The following TAFA5 variants were observed in gnomAD, a reference collection of about 807,000 sequenced individuals.
TAFA5 encodes TAFA chemokine like family member 5, also known as chemokine-like protein TAFA-5.
TAFA5 carries 6 observed loss-of-function variants against 15.3 expected under a neutral mutation model. The observed-to-expected ratio is 0.39, with a 90% CI of 0.21 to 0.77. The LOEUF is 0.77. Ranked by LOEUF, TAFA5 falls within the 30% of genes least tolerant of loss-of-function variation. The pLI is 0.41. For missense variants in TAFA5, 161 were observed against 193.1 expected (o/e 0.83, Z 0.98); for synonymous variants, 103 against 80.7 (o/e 1.28, Z -1.48).
intron 1 of TAFA5, among the ~76,000 whole-genome samples, chr22:48,553,029 C>T (rs900956849): frequency 3.9e-5 from 6 of 152,200 alleles, no homozygotes; most frequent in Non-Finnish European, 7.4e-5. Context: ...ATGCATCTTT[C>T]ACCCCGAGAG....
chr22:48,654,203 C>G (rs1569065599), intron 2 of TAFA5, among the ~76,000 whole-genome samples: 1 of 152,136 alleles, frequency 6.6e-6, no homozygotes, highest in Non-Finnish European at 1.5e-5. Context: ...CACAGGGCCC[C>G]TGTGCTGCCA....
Position 48,560,812 on chromosome 22 carries a change from G to T in TAFA5, c.112+71108G>T, listed in dbSNP as rs935409760. ...TTTAGTAGAGATGGGGTTTCACCGTGTTGGCCAGACTGGTCTTGAACTCCT... is the reference window on the plus strand; with the variant it reads ...TTTAGTAGAGATGGGGTTTCACCGTTTTGGCCAGACTGGTCTTGAACTCCT... On this transcript the variant is annotated intron_variant, in intron 1 of 3. Transcript: ENST00000402357. The surrounding 1 kb of genome is among the most constrained non-coding windows in gnomAD (Gnocchi z 4.2). 1.1e-4 allele frequency among the ~76,000 whole-genome samples: 16 copies of T among 152,038 alleles called. No individual in the cohort carries two copies. The highest frequency in any genetic ancestry group is 2.1e-4 in the Non-Finnish European group (14 of 68,006).
At chr22:48,614,294 A>T (rs1349193319) in intron 1 of TAFA5, among the ~76,000 whole-genome samples, 2 of 152,198 alleles carry the variant, frequency 1.3e-5, no homozygotes, top group Non-Finnish European at 2.9e-5. Context: ...TCTGCCCCCC[A>T]CAACTGTTTA....
intron 3 of TAFA5, among the ~76,000 whole-genome samples, chr22:48,711,772 C>G (rs1259785179): frequency 6.6e-6 from 1 of 152,238 alleles, no homozygotes. Context: ...TGGCCTCCAG[C>G]CCAGGCCTGA....
intron 2 of TAFA5, among the ~76,000 whole-genome samples, chr22:48,659,056 G>T (rs894506923): frequency 6.6e-6 from 1 of 152,342 alleles, no homozygotes; most frequent in African/African-American, 2.4e-5. Flanking sequence ...GCAGAGTCCG[G>T]GGCAAGTCTC....
chr22:48,560,080 G>A lies in TAFA5; in HGVS notation c.112+70376G>A, dbSNP rs564081142. Among the ~76,000 whole-genome samples, 4 of 152,314 alleles carry A rather than the reference G, an allele frequency of 2.6e-5. No individual in the cohort carries two copies. The highest frequency in any genetic ancestry group is 4.8e-5 in the African/African-American group (2 of 41,556). On this transcript the variant is annotated intron_variant, in intron 1 of 3. Coordinates refer to ENST00000402357, the MANE Select transcript of TAFA5 (RefSeq NM_001082967.3). The surrounding 1 kb of genome is among the most constrained non-coding windows in gnomAD (Gnocchi z 4.2). ...CCATCAGGCAGCTGCCCTGGCCACC[G>A]ATGCCTTCGCAGCATAGGATTTGGG...
intron 3 of TAFA5, 138 bp from the exon 4 acceptor site, chr22:48,749,701 A>T: frequency 2.3e-6 from 2 of 887,400 alleles, no homozygotes; most frequent in Non-Finnish European, 3.6e-6. Context: ...CCCTCACAGC[A>T]CTGAGGATGA....
Position 48,742,862 on chromosome 22 carries a change from G to A in TAFA5, c.391-6977G>A, listed in dbSNP as rs946543956. Among the ~76,000 whole-genome samples, 1 of 152,170 alleles carries A rather than the reference G, an allele frequency of 6.6e-6. No individual in the cohort carries two copies. Among genetic ancestry groups the A allele is most frequent in the Non-Finnish European group, 1.5e-5 (1 of 68,016 alleles). ...GTGCGATGAAGCCCAAGGGACTGAC[G>A]GTGTGAGGAGGGCCCTCTGCTGCCT... On this transcript the variant is annotated intron_variant, in intron 3 of 3. Coordinates refer to ENST00000402357, the MANE Select transcript of TAFA5 (RefSeq NM_001082967.3). This position sits in a 1 kb window ranked among gnomAD's most constrained non-coding sequence, Gnocchi z 6.2.
chr22:48,736,727 G>C (rs1312282497), intron 3 of TAFA5, among the ~76,000 whole-genome samples: 1 of 152,228 alleles, frequency 6.6e-6, no homozygotes, highest in Non-Finnish European at 1.5e-5. Context: ...AGTGAAGGAA[G>C]CCAGTCACCG....
At chr22:48,642,803 CTGTG>C (rs796649630) in intron 1 of TAFA5, among the ~76,000 whole-genome samples, 22 of 152,094 alleles carry the variant, frequency 1.4e-4, no homozygotes, top group African/African-American at 5.1e-4. Flanking sequence ...TGTGTTTGGT[CTGTG>C]TGTGCACGTG....
chr22:48,721,308 T>G (rs1264046189), intron 3 of TAFA5, among the ~76,000 whole-genome samples: 6 of 152,162 alleles, frequency 3.9e-5, no homozygotes, highest in African/African-American at 1.4e-4. Context: ...GCCCACTGCC[T>G]TCATGCCACC....
chr22:48,624,244 T>C (rs1159732217), intron 1 of TAFA5, among the ~76,000 whole-genome samples: 17 of 152,236 alleles, frequency 1.1e-4, no homozygotes, highest in Admixed American at 1.1e-3. Flanking sequence ...TGAAGTGCCC[T>C]TCTCATCACA....
chr22:48,617,369 G>C (rs1925647753), intron 1 of TAFA5, among the ~76,000 whole-genome samples: 1 of 152,206 alleles, frequency 6.6e-6, no homozygotes, highest in Non-Finnish European at 1.5e-5. Context: ...GAAGAAATCA[G>C]TGACACCTTG....
At chr22:48,746,024 C>G (rs1326923074) in intron 3 of TAFA5, among the ~76,000 whole-genome samples, 1 of 152,182 alleles carries the variant, frequency 6.6e-6, no homozygotes, top group East Asian at 1.9e-4. Context: ...ATGCAGCCTC[C>G]AGGAGACAGC....
At chr22:48,515,441 T>A (rs1312698709) in intron 1 of TAFA5, among the ~76,000 whole-genome samples, 1 of 152,136 alleles carries the variant, frequency 6.6e-6, no homozygotes. Flanking sequence ...CTGGGTCACC[T>A]TCACGGCACC....
intron 2 of TAFA5, among the ~76,000 whole-genome samples, chr22:48,678,761 TA>T (rs58165740): frequency 0.057 from 8,479 of 147,622 alleles, 615 homozygotes; most frequent in African/African-American, 0.18. Context: ...AAAACAAAGT[TA>T]AAAAAAAAAA....
intron 2 of TAFA5, among the ~76,000 whole-genome samples, chr22:48,660,408 C>A (rs1927395455): frequency 6.6e-6 from 1 of 152,172 alleles, no homozygotes; most frequent in Non-Finnish European, 1.5e-5. Context: ...TTCTTTATTT[C>A]ATTTTTTTAT....
intron 1 of TAFA5, chr22:48,576,612 G>C (rs749797791): frequency 7.4e-7 from 1 of 1,357,090 alleles, no homozygotes; most frequent in Non-Finnish European, 9.6e-7. Flanking sequence ...TCCGCGCTCT[G>C]CCCGGCTCGC....
Position 48,489,789 on chromosome 22 carries a change from TC to T in TAFA5, c.112+88del. ...GGCCCCGGCAGGCGCCCCGCGGGCC[TC>T]CCGGAGTCGGCGCGGAGTTACGAGC... On this transcript the variant is annotated intron_variant, in intron 1 of 3. Coordinates refer to ENST00000402357, the MANE Select transcript of TAFA5 (RefSeq NM_001082967.3). The surrounding 1 kb of genome is among the most constrained non-coding windows in gnomAD (Gnocchi z 5.5). 4 of 811,456 alleles carry T rather than the reference TC, an allele frequency of 4.9e-6. No individual in the cohort carries two copies. Among genetic ancestry groups the T allele is most frequent in the Non-Finnish European group, 6.8e-6 (4 of 587,054 alleles). The allele number at this position is 811,456 out of a possible 1,614,324, so 50.3% of individuals were successfully genotyped here.
Sources: gnomAD v4.1 joint callset for allele counts (sites outside exome capture counted in the v4.1 genomes callset) on GRCh38, gnomAD v4.1.1 for gene constraint, Gnocchi (gnomAD v3.1) non-coding constraint, MANE v1.5 for transcripts, NCBI Gene and HGNC (gene_info 2026-07-23, HGNC 2026-07-21) for gene names.